Variants in HORMAD2 observed in about 807,000 individuals in gnomAD.
HORMAD2 encodes HORMA domain-containing protein 2.
A neutral mutation model predicts 38.8 loss-of-function variants in HORMAD2; 45 were observed. That is an observed-to-expected ratio of 1.16 (90% CI 0.91 to 1.49). The LOEUF is 1.49. Among genes scored for constraint, HORMAD2 ranks in the 40% most tolerant of loss-of-function variants. The pLI, the probability that HORMAD2 is intolerant of heterozygous loss-of-function variation, is 0.00. For synonymous variants in HORMAD2, 126 were observed against 122.8 expected, an observed-to-expected ratio of 1.03 and a Z score of -0.17; for missense variants, 338 against 367.0, an observed-to-expected ratio of 0.92 and a Z score of 0.65.
intron 10 of HORMAD2, among the ~76,000 whole-genome samples, chr22:30,139,950 T>A (rs192739151): frequency 1.3e-4 from 19 of 144,586 alleles, no homozygotes; most frequent in East Asian, 1.2e-3. Context: ...TGTGTGTACG[T>A]GTATCTGTGT....
chr22:30,081,766 T>C (rs909904962), intron 1 of HORMAD2, among the ~76,000 whole-genome samples: 2 of 152,016 alleles, frequency 1.3e-5, no homozygotes, highest in Non-Finnish European at 2.9e-5. Flanking sequence ...TTTTTATTTT[T>C]AGTAGAGACA....
chr22:30,103,483 A>ACTG lies in HORMAD2; in HGVS notation c.242_244dup (p.Leu81dup). On this transcript the variant is annotated inframe_insertion, in exon 4 of 11. Coordinates refer to ENST00000336726, the MANE Select transcript of HORMAD2 (RefSeq NM_152510.4). ...GAGAAGATAAAAAATGTCCCGGGTCACTGCATATTATCAGATGGTAAGTAA... is the reference window on the plus strand; with the variant it reads ...GAGAAGATAAAAAATGTCCCGGGTCACTGCTGCATATTATCAGATGGTAAGTAA... 6.6e-7 allele frequency: 1 copy of ACTG among 1,524,150 alleles called. No homozygotes were observed. The highest frequency in any genetic ancestry group is 8.9e-7 in the Non-Finnish European group (1 of 1,120,732). 94.4% of individuals were successfully genotyped at this position (1,524,150 alleles called of 1,614,324 possible).
chr22:30,177,852 G>T (rs1287650356), downstream of HORMAD2, among the ~76,000 whole-genome samples: 1 of 148,358 alleles, frequency 6.7e-6, no homozygotes, highest in East Asian at 2.0e-4. Context: ...GCTAATTTTT[G>T]TGTCTTTTGT....
chr22:30,158,902 C>G (rs1393755566), intron 10 of HORMAD2, among the ~76,000 whole-genome samples: 1 of 151,982 alleles, frequency 6.6e-6, no homozygotes, highest in African/African-American at 2.4e-5. Flanking sequence ...CCAGGTTGAT[C>G]TCAAACTCCT....
intron 10 of HORMAD2, among the ~76,000 whole-genome samples, chr22:30,164,162 G>T (rs953608170): frequency 2.0e-5 from 3 of 152,062 alleles, no homozygotes; most frequent in Admixed American, 2.0e-4. Context: ...ATATTCCATT[G>T]TATGTATATA....
At chr22:30,077,911 C>G (rs1047422432), upstream of HORMAD2, among the ~76,000 whole-genome samples, 1 of 152,174 alleles carries the variant, frequency 6.6e-6, no homozygotes, top group Non-Finnish European at 1.5e-5. Flanking sequence ...CACTGAGGAA[C>G]AGTTAATTCA....
intron 10 of HORMAD2, among the ~76,000 whole-genome samples, chr22:30,153,075 TC>T (rs998684949): frequency 6.7e-6 from 1 of 149,902 alleles, no homozygotes; most frequent in Non-Finnish European, 1.5e-5. Context: ...CTACCCAGTT[TC>T]CCCCCATCTC....
intron 5 of HORMAD2, among the ~76,000 whole-genome samples, chr22:30,110,383 C>CTTT (rs10712471): frequency 3.9e-5 from 4 of 103,324 alleles, no homozygotes; most frequent in Admixed American, 1.0e-4. Context: ...TGAGCATATA[C>CTTT]TTTTTTTTTT....
At chr22:30,157,433 T>G (rs1925147494) in intron 10 of HORMAD2, among the ~76,000 whole-genome samples, 1 of 151,912 alleles carries the variant, frequency 6.6e-6, no homozygotes, top group African/African-American at 2.4e-5. Context: ...ACATGGCAAA[T>G]ATTATCCCCC....
At chr22:30,092,794 T>C (rs886414466) in intron 1 of HORMAD2, among the ~76,000 whole-genome samples, 3 of 152,184 alleles carry the variant, frequency 2.0e-5, no homozygotes, top group African/African-American at 7.2e-5. Context: ...AATAAGCTGG[T>C]TGTAAATAGG....
intron 6 of HORMAD2, 23 bp from the exon 7 acceptor site, chr22:30,112,470 AATG>A (rs1218282480): frequency 7.7e-7 from 1 of 1,303,274 alleles, no homozygotes; most frequent in African/African-American, 1.6e-5. Flanking sequence ...CCAGAAATTA[AATG>A]ATGTTTATTT....
chr22:30,124,804 G>A lies in HORMAD2; in HGVS notation c.819+2590G>A, dbSNP rs186832223. Among the ~76,000 whole-genome samples, 208 of 152,218 alleles carry A rather than the reference G, an allele frequency of 1.4e-3. 2 individuals carry two copies. The highest frequency in any genetic ancestry group is 4.7e-3 in the African/African-American group (196 of 41,528). On this transcript the variant is annotated intron_variant, in intron 10 of 10. Coordinates refer to ENST00000336726, the MANE Select transcript of HORMAD2 (RefSeq NM_152510.4). ...GTGTCTCTTGGGAATATATGAAACA[G>A]TTCTAGGCTTGTGTATTTTCAACTA...
chr22:30,095,372 G>T (rs904802828), intron 2 of HORMAD2, among the ~76,000 whole-genome samples: 2 of 152,056 alleles, frequency 1.3e-5, no homozygotes, highest in Admixed American at 1.3e-4. Flanking sequence ...TTTGCTAAAG[G>T]CTTTAATGTC....
chr22:30,116,905 A>G (rs1055143536), intron 7 of HORMAD2, among the ~76,000 whole-genome samples: 1 of 152,088 alleles, frequency 6.6e-6, no homozygotes, highest in African/African-American at 2.4e-5. Context: ...TTGGCAGAGC[A>G]ATTACACCCA....
chr22:30,140,577 T>G (rs974031412), intron 10 of HORMAD2, among the ~76,000 whole-genome samples: 24 of 152,224 alleles, frequency 1.6e-4, no homozygotes, highest in African/African-American at 5.8e-4. Flanking sequence ...GACATATTAT[T>G]GTTCATAGTA....
In HORMAD2 at chr22:30,126,195, C is replaced by T. The variant is rs192370321; in HGVS notation, c.819+3981C>T. Among the ~76,000 whole-genome samples, 713 of 151,932 alleles carry T rather than the reference C, an allele frequency of 4.7e-3. 8 individuals are homozygous for T. The highest frequency in any genetic ancestry group is 0.016 in the African/African-American group (675 of 41,400). ...CTTTTTTTTTTTGAGACGGAGTCTC[C>T]CACTGTCTCCCAGGCTGGAGTGCAG... is the stretch of plus-strand genomic sequence containing the variant. On this transcript the variant is annotated intron_variant, in intron 10 of 10. Transcript: ENST00000336726.
At chr22:30,160,105 G>A (rs1275162168) in intron 10 of HORMAD2, among the ~76,000 whole-genome samples, 7 of 151,948 alleles carry the variant, frequency 4.6e-5, no homozygotes, top group African/African-American at 1.5e-4. Context: ...GTTAGTTAGA[G>A]TTTGTTGTTT....
chr22:30,172,711 A>G (rs1242909223), intron 10 of HORMAD2, among the ~76,000 whole-genome samples: 1 of 152,026 alleles, frequency 6.6e-6, no homozygotes, highest in Non-Finnish European at 1.5e-5. Flanking sequence ...AATATGGTAA[A>G]ACCCTGTCTC....
At chr22:30,182,179 C>T in the HORMAD2 span, among the ~76,000 whole-genome samples, 1 of 152,164 alleles carries the variant, frequency 6.6e-6, no homozygotes, top group Non-Finnish European at 1.5e-5. Flanking sequence ...GTTTTACTTG[C>T]TATCTCTGTA....
Sources: allele counts gnomAD v4.1 joint callset (sites outside exome capture counted in the v4.1 genomes callset), GRCh38; gene constraint gnomAD v4.1.1; transcripts MANE v1.5; gene names NCBI Gene and HGNC (gene_info 2026-07-23, HGNC 2026-07-21).